Variants in SOAT2 observed in about 807,000 individuals in gnomAD.
SOAT2 encodes the protein ACAT-2.
A neutral mutation model predicts 76.0 loss-of-function variants in SOAT2; 87 were observed. The ratio of observed to expected loss-of-function variants is 1.14; its 90% confidence interval spans 0.96 to 1.37. The LOEUF (loss-of-function observed/expected upper bound fraction) is 1.37. SOAT2 is among the 40% of genes most tolerant of loss of function. The pLI is 0.00. For missense variants in SOAT2, 686 were observed against 682.1 expected, an observed-to-expected ratio of 1.01 and a Z score of -0.06; for synonymous variants, 285 against 275.4, an observed-to-expected ratio of 1.03 and a Z score of -0.34.
rs1565625624 is a variant in SOAT2 at position 53,106,136 on chromosome 12, C to T, written c.443+122C>T. 10 of 644,248 alleles carry T rather than the reference C, an allele frequency of 1.6e-5. No individual in the cohort carries two copies. In the East Asian group the frequency reaches 2.5e-4, roughly 16 times the overall value. The allele number at this position is 644,248 out of a possible 1,614,324, so 39.9% of individuals were successfully genotyped here. A position where few individuals can be genotyped will look rare whatever the true frequency, so the allele number is the denominator to read the frequency against. On this transcript the variant is annotated intron_variant, in intron 5 of 14. Transcript: ENST00000301466. ...TCCCCCTTTGGTTATTGGACATGTACCAACATTGCTCCCAACAACCTTTCC... is the reference window on the plus strand; with the variant it reads ...TCCCCCTTTGGTTATTGGACATGTATCAACATTGCTCCCAACAACCTTTCC...
intron 1 of SOAT2, 145 bp downstream of exon 1, chr12:53,103,804 C>T: frequency 1.5e-6 from 1 of 679,838 alleles, no homozygotes; most frequent in Non-Finnish European, 2.4e-6. Flanking sequence ...CTGGCCTCAG[C>T]CCAGAGCCAC....
Position 53,115,691 on chromosome 12 carries a change from C to A in SOAT2, c.708+37C>A, listed in dbSNP as rs1297648124. 3.4e-6 allele frequency: 5 copies of A among 1,476,216 alleles called. No individual in the cohort carries two copies. The Admixed American group carries it at 1.2e-4, about 35-fold the overall frequency. The allele number at this position is 1,476,216 out of a possible 1,614,324, so 91.4% of individuals were successfully genotyped here. A position where few individuals can be genotyped will look rare whatever the true frequency, so the allele number is the denominator to read the frequency against. ...GCCCTGCTGACGGACAGGAAGGAACCAGCTGGTGGGGCCATCTCAGCAGAG... is the reference window on the plus strand; with the variant it reads ...GCCCTGCTGACGGACAGGAAGGAACAAGCTGGTGGGGCCATCTCAGCAGAG... On this transcript the variant is annotated intron_variant, in intron 6 of 14. Coordinates refer to ENST00000301466, the MANE Select transcript of SOAT2 (RefSeq NM_003578.4).
chr12:53,118,640 C>T (rs187520981), intron 8 of SOAT2, among the ~76,000 whole-genome samples: 1 of 152,248 alleles, frequency 6.6e-6, no homozygotes, highest in East Asian at 1.9e-4. Context: ...ACCCACTTTC[C>T]TGGTTTACCC....
chr12:53,113,471 G>A (rs1046661787), intron 5 of SOAT2, among the ~76,000 whole-genome samples: 1 of 152,210 alleles, frequency 6.6e-6, no homozygotes, highest in African/African-American at 2.4e-5. Flanking sequence ...CCTGAAGACT[G>A]TCTCATCGCA....
At chr12:53,105,795 A>T in intron 4 of SOAT2, 112 bp from the exon 5 acceptor site, 1 of 940,036 alleles carries the variant, frequency 1.1e-6, no homozygotes. Flanking sequence ...AAAGGCCTTT[A>T]GCTGGAAGTT....
At chr12:53,121,526 A>G in intron 12 of SOAT2, 125 bp downstream of exon 12, 1 of 718,004 alleles carries the variant, frequency 1.4e-6, no homozygotes, top group Non-Finnish European at 2.4e-6. Context: ...GGCCGTTTTG[A>G]TTTCATCTGT....
At position 53,104,137 on chromosome 12, in the gene SOAT2, A is replaced by C; in HGVS notation, c.83-14A>C. 1 of 1,612,262 alleles carries C rather than the reference A, an allele frequency of 6.2e-7. No individual in the cohort carries two copies. The highest frequency in any genetic ancestry group is 8.5e-7 in the Non-Finnish European group (1 of 1,178,724). On this transcript the variant is annotated splice_polypyrimidine_tract_variant and intron_variant, in intron 1 of 14. Coordinates refer to ENST00000301466, the MANE Select transcript of SOAT2 (RefSeq NM_003578.4). ...ATTCCTCCTGTTGACTGTGCCTTTGATCCCTCCTCACAGGAAACACTGAGA... is the reference window on the plus strand; with the variant it reads ...ATTCCTCCTGTTGACTGTGCCTTTGCTCCCTCCTCACAGGAAACACTGAGA...
chr12:53,118,716 T>G (rs1486360387), intron 8 of SOAT2, among the ~76,000 whole-genome samples, 174 bp from the exon 9 acceptor site: 1 of 152,034 alleles, frequency 6.6e-6, no homozygotes, highest in Non-Finnish European at 1.5e-5. Context: ...AAAACCCACT[T>G]GTTATCTCTG....
At chr12:53,122,967 C>A in intron 12 of SOAT2, 114 bp from the exon 13 acceptor site, 2 of 1,197,894 alleles carry the variant, frequency 1.7e-6, no homozygotes, top group Non-Finnish European at 2.2e-6. Context: ...GGGGGCTGAC[C>A]CCCCCACCTC....
rs1409026088 is a variant in SOAT2, at chr12:53,115,416, T to C, written c.470T>C (p.Ile157Thr). The C allele has an allele frequency of 6.2e-7, 1 of 1,610,002 alleles. No homozygotes were observed. Among genetic ancestry groups the C allele is most frequent in the Non-Finnish European group, 8.5e-7 (1 of 1,178,400 alleles). Reference protein sequence around the residue: ...GRLLLEFDLLIFSFGQLPLAL... With the variant: ...GRLLLEFDLLTFSFGQLPLAL... ...CTGCTGCTGGAGTTTGACCTACTGATCTTCAGCTTCGGACAGCTGCCATTG... is the reference window on the plus strand; with the variant it reads ...CTGCTGCTGGAGTTTGACCTACTGACCTTCAGCTTCGGACAGCTGCCATTG... Residue 157 changes from isoleucine (I) to threonine (T), a missense_variant, in exon 6 of 15, where the codon ATC becomes ACC. Transcript: ENST00000301466.
chr12:53,124,399 G>A lies in SOAT2; in HGVS notation c.*276G>A, dbSNP rs1391859836. Reference sequence around the variant, plus strand: ...TCCTACCCCATGACTGTCTTAGGGAGACTTGGGGTACCTTATGGATTTGAT... The same window carrying A: ...TCCTACCCCATGACTGTCTTAGGGAAACTTGGGGTACCTTATGGATTTGAT... On this transcript the variant is annotated 3_prime_UTR_variant, in exon 15 of 15. Coordinates refer to ENST00000301466, the MANE Select transcript of SOAT2 (RefSeq NM_003578.4). The A allele has an allele frequency of 6.2e-6, 3 of 486,020 alleles. No homozygotes were observed. The highest frequency in any genetic ancestry group is 1.1e-5 in the Non-Finnish European group (3 of 272,376). The allele number at this position is 486,020 out of a possible 1,614,324, so 30.1% of individuals were successfully genotyped here. A position where few individuals can be genotyped will look rare whatever the true frequency, so the allele number is the denominator to read the frequency against.
chr12:53,112,972 C>T (rs1938047092), intron 5 of SOAT2, among the ~76,000 whole-genome samples: 1 of 111,892 alleles, frequency 8.9e-6, no homozygotes, highest in Admixed American at 1.0e-4. Context: ...TGGGGTTTCA[C>T]CATCTTGGCC....
intron 5 of SOAT2, among the ~76,000 whole-genome samples, chr12:53,107,822 C>T (rs1392004423): frequency 3.3e-5 from 5 of 152,040 alleles, no homozygotes; most frequent in East Asian, 1.9e-4. Context: ...TGGGTTTCAC[C>T]GTGTTGGCCA....
chr12:53,112,693 A>G (rs1191017582), intron 5 of SOAT2, among the ~76,000 whole-genome samples: 1 of 151,566 alleles, frequency 6.6e-6, no homozygotes, highest in Non-Finnish European at 1.5e-5. Context: ...ACTCTCAACC[A>G]TTGAGCGTCT....
chr12:53,105,053 G>A (rs944501761), intron 2 of SOAT2, 54 bp from the exon 3 acceptor site: 7 of 1,521,260 alleles, frequency 4.6e-6, no homozygotes, highest in Admixed American at 4.1e-5. Context: ...TCTGGTGAAT[G>A]AAAGGATGGC....
rs116498574 is a variant in SOAT2, at chr12:53,121,205, C to T, written c.1138-98C>T. The T allele has an allele frequency of 2.3e-3, 1,997 of 871,398 alleles. 32 individuals are homozygous for T. The African/African-American group carries it at 0.028, about 12-fold the overall frequency. The allele number at this position is 871,398 out of a possible 1,614,324, so 54.0% of individuals were successfully genotyped here. The stretch of plus-strand genomic sequence containing the variant: ...CTGCCAGGAGCCAGCCCTTCTGGAA[C>T]ACTGGGATAGGGTGCAGGCAGAGGG... On this transcript the variant is annotated intron_variant, in intron 11 of 14. Coordinates refer to ENST00000301466, the MANE Select transcript of SOAT2 (RefSeq NM_003578.4).
chr12:53,118,182 T>C (rs1938133744), intron 7 of SOAT2, among the ~76,000 whole-genome samples, 168 bp from the exon 8 acceptor site: 4 of 151,564 alleles, frequency 2.6e-5, no homozygotes, highest in Admixed American at 2.6e-4. Context: ...CTGCCCAGCT[T>C]AGCTCCCCTA....
chr12:53,108,898 G>T (rs1391973539), intron 5 of SOAT2, among the ~76,000 whole-genome samples: 1 of 152,194 alleles, frequency 6.6e-6, no homozygotes, highest in Non-Finnish European at 1.5e-5. Flanking sequence ...CATAGTTAAA[G>T]ACACAATTGA....
chr12:53,116,093 A>G lies in SOAT2; in HGVS notation c.709-4A>G. 6.2e-7 allele frequency: 1 copy of G among 1,613,926 alleles called. No homozygotes were observed. Among genetic ancestry groups the G allele is most frequent in the Non-Finnish European group, 8.5e-7 (1 of 1,179,792 alleles). On this transcript the variant is annotated splice_region_variant and splice_polypyrimidine_tract_variant and intron_variant, in intron 6 of 14. Coordinates refer to ENST00000301466, the MANE Select transcript of SOAT2 (RefSeq NM_003578.4). The stretch of plus-strand genomic sequence containing the variant: ...ACTTTTCCTCCCCTTCCATTCTGCC[A>G]CAGGTTAGGTTCCTGATGAAAAGCT...
Sources: gnomAD v4.1 joint callset for allele counts (sites outside exome capture counted in the v4.1 genomes callset) on GRCh38, gnomAD v4.1.1 for gene constraint, MANE v1.5 for transcripts, NCBI Gene and HGNC (gene_info 2026-07-23, HGNC 2026-07-21) for gene names.